PACS1: variants seen among roughly 807,000 people sequenced by gnomAD.
The protein encoded by PACS1 is phosphofurin acidic cluster sorting protein 1, also known as PACS-1.
A neutral mutation model predicts 115.0 loss-of-function variants in PACS1; 24 were observed. That is an observed-to-expected ratio of 0.21 (90% CI 0.15 to 0.29). The LOEUF is 0.29. Ranked by LOEUF, PACS1 falls within the 10% of genes least tolerant of loss-of-function variation. The pLI, the probability that PACS1 is intolerant of heterozygous loss-of-function variation, is 1.00. For synonymous variants in PACS1, 453 were observed against 504.5 expected, an observed-to-expected ratio of 0.90 and a Z score of 1.37; for missense variants, 838 against 1,251.2, an observed-to-expected ratio of 0.67 and a Z score of 4.98.
intron 19 of PACS1, 50 bp from the exon 20 acceptor site, chr11:66,238,754 A>C: frequency 1.3e-6 from 2 of 1,511,942 alleles, no homozygotes; most frequent in Non-Finnish European, 1.8e-6. Flanking sequence ...GGATCAGAAC[A>C]TGCCTGCTTT....
chr11:66,198,661 T>A (rs1240942166), intron 2 of PACS1, among the ~76,000 whole-genome samples: 1 of 152,212 alleles, frequency 6.6e-6, no homozygotes, highest in African/African-American at 2.4e-5. Context: ...ATGATGAGAA[T>A]GTTCTGACAC....
Position 66,233,358 on chromosome 11 carries a change from C to T in PACS1, c.1838+292C>T, listed in dbSNP as rs571862128. ...TAAACCCATGATGAAGGAGAGGACA[C>T]ACTGGTTTTAAAAAGATCTTTTATT... On this transcript the variant is annotated intron_variant, in intron 15 of 23. Coordinates refer to ENST00000320580, the MANE Select transcript of PACS1 (RefSeq NM_018026.4). The surrounding 1 kb of genome is among the most constrained non-coding windows in gnomAD (Gnocchi z 4.5). 2.4e-4 allele frequency among the ~76,000 whole-genome samples: 36 copies of T among 152,340 alleles called. No individual in the cohort carries two copies. The highest frequency in any genetic ancestry group is 8.4e-4 in the African/African-American group (35 of 41,582).
At chr11:66,130,514 A>T (rs2134576457) in intron 1 of PACS1, among the ~76,000 whole-genome samples, 1 of 152,092 alleles carries the variant, frequency 6.6e-6, no homozygotes, top group African/African-American at 2.4e-5. Context: ...TCCCATTAGC[A>T]TCTTCTCTGA....
intron 1 of PACS1, among the ~76,000 whole-genome samples, chr11:66,115,913 T>C (rs1858295659): frequency 6.6e-6 from 1 of 152,248 alleles, no homozygotes; most frequent in African/African-American, 2.4e-5. Context: ...GACTTTAAGC[T>C]TTCTTCCTCT....
rs142264440 is a variant in PACS1, at chr11:66,087,734, A to G, written c.356+16892A>G. Among the ~76,000 whole-genome samples the G allele has an allele frequency of 5.9e-5, 9 of 152,288 alleles. No individual in the cohort carries two copies. The East Asian group carries it at 1.4e-3, about 23-fold the overall frequency. ...AGTTTGGGCTATGCTGAATAGTGCT[A>G]CTGTGGGCATTCTTGTACATGTCTG... is the stretch of plus-strand genomic sequence containing the variant. On this transcript the variant is annotated intron_variant, in intron 1 of 23. Coordinates refer to ENST00000320580, the MANE Select transcript of PACS1 (RefSeq NM_018026.4).
chr11:66,202,743 ATATATATATATATATATATATATAT>A lies in PACS1; in HGVS notation c.445-7618_445-7594del, dbSNP rs1170276814. Reference sequence around the variant, plus strand: ...ATCTCTAGGAAAAAAAAAAAAAAAAATATATATATATATATATATATATATATATATATATATATTCTGAAAAAGC... The same window carrying A: ...ATCTCTAGGAAAAAAAAAAAAAAAAAATATATATATATATTCTGAAAAAGC... On this transcript the variant is annotated intron_variant, in intron 2 of 23. Transcript: ENST00000320580. Among the ~76,000 whole-genome samples the A allele has an allele frequency of 4.4e-4, 26 of 58,944 alleles. 3 individuals are homozygous for A. The highest frequency in any genetic ancestry group is 1.7e-3 in the African/African-American group (23 of 13,318). The allele number at this position is 58,944 out of a possible 152,430, so 38.7% of individuals were successfully genotyped here. A position where few individuals can be genotyped will look rare whatever the true frequency, so the allele number is the denominator to read the frequency against.
intron 1 of PACS1, among the ~76,000 whole-genome samples, chr11:66,138,029 G>A (rs1004273220): frequency 2.0e-5 from 3 of 152,096 alleles, no homozygotes; most frequent in African/African-American, 7.2e-5. Flanking sequence ...ACAGCACCCA[G>A]CATAAAATGC....
At chr11:66,100,744 A>G in intron 1 of PACS1, 3 of 454,958 alleles carry the variant, frequency 6.6e-6, no homozygotes, top group South Asian at 1.6e-5. Flanking sequence ...GGCGGAGGCT[A>G]GAATCTTGTG....
chr11:66,135,483 C>G (rs1393915040), intron 1 of PACS1, among the ~76,000 whole-genome samples: 1 of 152,138 alleles, frequency 6.6e-6, no homozygotes, highest in Non-Finnish European at 1.5e-5. Flanking sequence ...CTTTAGAACT[C>G]AAGATAAATG....
At chr11:66,098,413 C>T (rs1238464680) in intron 1 of PACS1, among the ~76,000 whole-genome samples, 2 of 152,054 alleles carry the variant, frequency 1.3e-5, no homozygotes, top group East Asian at 1.9e-4. Context: ...AAACTGTTCA[C>T]GTTTTACTGC....
intron 21 of PACS1, among the ~76,000 whole-genome samples, chr11:66,240,306 A>G (rs866798832): frequency 2.6e-5 from 4 of 152,048 alleles, no homozygotes; most frequent in Admixed American, 6.6e-5. Flanking sequence ...AGCAGGGGGC[A>G]GAGAGAGGGT....
intron 1 of PACS1, among the ~76,000 whole-genome samples, chr11:66,171,364 T>C: frequency 6.6e-6 from 1 of 150,572 alleles, no homozygotes; most frequent in Non-Finnish European, 1.5e-5. Flanking sequence ...TTTTGTTTTA[T>C]AAATCTAATC....
At chr11:66,156,746 C>G (rs801738) in intron 1 of PACS1, among the ~76,000 whole-genome samples, 41,469 of 151,306 alleles carry the variant, frequency 0.27, 6,352 homozygotes, top group Non-Finnish European at 0.35. Context: ...CCCAGCTACT[C>G]GGGAGGCTGA....
chr11:66,207,389 C>T (rs1176196867), intron 2 of PACS1, among the ~76,000 whole-genome samples: 1 of 152,078 alleles, frequency 6.6e-6, no homozygotes, highest in Non-Finnish European at 1.5e-5. Context: ...GTCGCTTGAA[C>T]CTGGGAGGCG....
intron 1 of PACS1, among the ~76,000 whole-genome samples, chr11:66,098,319 G>GT (rs1404211803): frequency 6.6e-6 from 1 of 152,148 alleles, no homozygotes; most frequent in Non-Finnish European, 1.5e-5. Flanking sequence ...TGTGTTGTAT[G>GT]TTTGTGTGTG....
chr11:66,171,773 G>T (rs1446899551), intron 1 of PACS1, among the ~76,000 whole-genome samples: 4 of 149,568 alleles, frequency 2.7e-5, no homozygotes, highest in South Asian at 4.2e-4. Flanking sequence ...TAGAGACGGG[G>T]TTTCACCATG....
At chr11:66,208,274 A>C (rs1275684692) in intron 2 of PACS1, among the ~76,000 whole-genome samples, 1 of 152,076 alleles carries the variant, frequency 6.6e-6, no homozygotes, top group Non-Finnish European at 1.5e-5. Flanking sequence ...CAGAGTAATC[A>C]CAGCTTTGCT....
At chr11:66,165,476 C>T (rs1565130762) in intron 1 of PACS1, among the ~76,000 whole-genome samples, 1 of 152,192 alleles carries the variant, frequency 6.6e-6, no homozygotes, top group Non-Finnish European at 1.5e-5. Context: ...TCTCTCTAGG[C>T]TGATCTTTCC....
intron 1 of PACS1, among the ~76,000 whole-genome samples, chr11:66,191,023 GT>G (rs1854508073): frequency 1.3e-5 from 2 of 152,340 alleles, no homozygotes; most frequent in African/African-American, 2.4e-5. Context: ...CACAACACAC[GT>G]TTATTATCTT....
Sources: allele counts gnomAD v4.1 joint callset (sites outside exome capture counted in the v4.1 genomes callset), GRCh38; gene constraint gnomAD v4.1.1; non-coding constraint Gnocchi (gnomAD v3.1); transcripts MANE v1.5; gene names NCBI Gene and HGNC (gene_info 2026-07-23, HGNC 2026-07-21).